The following OSBPL6 variants were observed in gnomAD, a reference collection of about 807,000 sequenced individuals.
The protein encoded by OSBPL6 is oxysterol binding protein like 6, also known as oxysterol-binding protein-related protein 6.
In OSBPL6, 49 loss-of-function variants were observed where a neutral mutation model predicts 125.8. That is an observed-to-expected ratio of 0.39 (90% CI 0.31 to 0.49). OSBPL6 has a LOEUF of 0.49. Among genes scored for constraint, OSBPL6 ranks in the 20% least tolerant of loss-of-function variants. The probability of loss-of-function intolerance (pLI) is 0.88; values close to 1 mark genes in which losing one functional copy is unlikely to be tolerated. For synonymous variants in OSBPL6, 394 were observed against 391.8 expected (o/e 1.01, Z -0.07); for missense variants, 986 against 1,135.4 (o/e 0.87, Z 1.89).
chr2:178,254,253 C>T (rs193231301), intron 1 of OSBPL6, among the ~76,000 whole-genome samples: 7 of 152,068 alleles, frequency 4.6e-5, no homozygotes, highest in African/African-American at 1.2e-4. Flanking sequence ...ATTAGCCAGG[C>T]GTGGTGGTAG....
chr2:178,267,169 C>G (rs560627691), intron 1 of OSBPL6, among the ~76,000 whole-genome samples: 60 of 152,154 alleles, frequency 3.9e-4, no homozygotes, highest in African/African-American at 1.4e-3. Context: ...GCCTAGCCAA[C>G]ATGGGGAAAC....
At chr2:178,373,606 G>A (rs1693603639) in intron 14 of OSBPL6, among the ~76,000 whole-genome samples, 1 of 152,196 alleles carries the variant, frequency 6.6e-6, no homozygotes, top group Non-Finnish European at 1.5e-5. Context: ...TGTCTCTACA[G>A]TCAATCAGGG....
At chr2:178,206,316 T>C (rs1349946687) in intron 1 of OSBPL6, among the ~76,000 whole-genome samples, 1 of 152,218 alleles carries the variant, frequency 6.6e-6, no homozygotes, top group African/African-American at 2.4e-5. Flanking sequence ...GGTTAGGGAT[T>C]ATGAGGCATG....
intron 15 of OSBPL6, among the ~76,000 whole-genome samples, chr2:178,380,052 A>G (rs1310315540): frequency 6.6e-6 from 1 of 152,242 alleles, no homozygotes; most frequent in Non-Finnish European, 1.5e-5. Context: ...GGCATAAACA[A>G]AGTTTAAAAA....
intron 1 of OSBPL6, among the ~76,000 whole-genome samples, chr2:178,257,138 T>C (rs907566863): frequency 6.6e-6 from 1 of 152,214 alleles, no homozygotes; most frequent in African/African-American, 2.4e-5. Flanking sequence ...TTACCCCCAA[T>C]GTAATTCTGT....
chr2:178,378,939 G>T (rs578002739), intron 15 of OSBPL6, among the ~76,000 whole-genome samples: 104 of 152,242 alleles, frequency 6.8e-4, no homozygotes, highest in Non-Finnish European at 1.3e-3. Context: ...GCAGAGGCAG[G>T]ATGATTGCTT....
At chr2:178,200,953 C>T (rs990533075) in intron 1 of OSBPL6, among the ~76,000 whole-genome samples, 1 of 151,960 alleles carries the variant, frequency 6.6e-6, no homozygotes, top group Non-Finnish European at 1.5e-5. Flanking sequence ...CGCCAGCACG[C>T]CTGGCTAATT....
chr2:178,232,775 T>C (rs1458904559), intron 1 of OSBPL6, among the ~76,000 whole-genome samples: 3 of 152,116 alleles, frequency 2.0e-5, no homozygotes, highest in African/African-American at 7.2e-5. Context: ...TTTATTCTGG[T>C]AACAGCTCCC....
intron 3 of OSBPL6, among the ~76,000 whole-genome samples, chr2:178,319,872 A>C (rs1688083034): frequency 6.6e-6 from 1 of 152,220 alleles, no homozygotes; most frequent in Non-Finnish European, 1.5e-5. Flanking sequence ...TATTTTGGGT[A>C]ATCTGTGAAT....
At chr2:178,342,774 T>A (rs1303662193) in intron 11 of OSBPL6, among the ~76,000 whole-genome samples, 3 of 152,152 alleles carry the variant, frequency 2.0e-5, no homozygotes, top group Non-Finnish European at 4.4e-5. Context: ...TCTCCTGTGT[T>A]GCTGATCATA....
At chr2:178,199,138 A>T (rs2089089656) in intron 1 of OSBPL6, among the ~76,000 whole-genome samples, 1 of 152,246 alleles carries the variant, frequency 6.6e-6, no homozygotes, top group Non-Finnish European at 1.5e-5. Context: ...TCTGGCAGAT[A>T]GTAAAATATG....
chr2:178,240,090 C>A (rs1201922464), intron 1 of OSBPL6, among the ~76,000 whole-genome samples: 1 of 152,012 alleles, frequency 6.6e-6, no homozygotes, highest in African/African-American at 2.4e-5. Flanking sequence ...CTTTTGAAGT[C>A]ATAATATTCA....
intron 1 of OSBPL6, among the ~76,000 whole-genome samples, chr2:178,277,350 C>T (rs1236974894): frequency 1.3e-5 from 2 of 152,180 alleles, no homozygotes; most frequent in East Asian, 3.8e-4. Flanking sequence ...GATCAGTCAT[C>T]TGAATTTTTG....
intron 2 of OSBPL6, among the ~76,000 whole-genome samples, chr2:178,292,775 G>A (rs1685403768): frequency 6.6e-6 from 1 of 152,096 alleles, no homozygotes; most frequent in South Asian, 2.1e-4. Context: ...CAGTAAGCCA[G>A]TACACAGATA....
Position 178,206,857 on chromosome 2 carries a change from C to T in OSBPL6, c.-351+12183C>T, listed in dbSNP as rs1485661911. Among the ~76,000 whole-genome samples the T allele has an allele frequency of 3.9e-5, 6 of 152,220 alleles. No individual in the cohort carries two copies. The East Asian group carries it at 5.8e-4, about 15-fold the overall frequency. ...CTTGAACTCCTGACCTCAGGTGATC[C>T]GCCCACCTCAGCCTCCCAAAGTGCT... is the stretch of plus-strand genomic sequence containing the variant. On this transcript the variant is annotated intron_variant, in intron 1 of 24. Transcript: ENST00000190611.
chr2:178,299,383 T>TA (rs1443086539), intron 2 of OSBPL6, among the ~76,000 whole-genome samples: 6 of 152,364 alleles, frequency 3.9e-5, no homozygotes, highest in Non-Finnish European at 7.4e-5. Context: ...CCTGGCCCTG[T>TA]ACTACTACTA....
chr2:178,382,283 A>T, intron 15 of OSBPL6, 137 bp from the exon 16 acceptor site: 2 of 1,083,852 alleles, frequency 1.8e-6, no homozygotes. Context: ...TGTTCATTGC[A>T]CATATGTCAA....
chr2:178,218,453 A>G (rs1282826480), intron 1 of OSBPL6, among the ~76,000 whole-genome samples: 1 of 151,640 alleles, frequency 6.6e-6, no homozygotes, highest in Non-Finnish European at 1.5e-5. Flanking sequence ...AAGGTAAGCT[A>G]TTCTTGACAA....
At chr2:178,256,916 C>A (rs1401980777) in intron 1 of OSBPL6, among the ~76,000 whole-genome samples, 2 of 152,168 alleles carry the variant, frequency 1.3e-5, no homozygotes, top group Non-Finnish European at 2.9e-5. Flanking sequence ...ACACCTGCAA[C>A]TGTCTCTCAA....
Sources: allele counts gnomAD v4.1 joint callset (sites outside exome capture counted in the v4.1 genomes callset), GRCh38; gene constraint gnomAD v4.1.1; transcripts MANE v1.5; gene names NCBI Gene and HGNC (gene_info 2026-07-23, HGNC 2026-07-21).